CNOT4: variants seen among roughly 807,000 people sequenced by gnomAD.
The protein encoded by CNOT4 is CCR4-associated factor 4.
Under a neutral mutation model 73.8 loss-of-function variants are expected in CNOT4, and 8 were observed. The observed-to-expected ratio is 0.11, with a 90% confidence interval of 0.06 to 0.20. The LOEUF is 0.20. CNOT4 is among the 10% of genes least tolerant of loss of function. CNOT4 has a pLI of 1.00. For synonymous variants in CNOT4, 293 were observed against 321.1 expected (o/e 0.91, Z 0.94); for missense variants, 564 against 883.4 (o/e 0.64, Z 4.58).
chr7:135,504,097 T>C (rs1302385086), intron 1 of CNOT4, among the ~76,000 whole-genome samples: 1 of 152,192 alleles, frequency 6.6e-6, no homozygotes, highest in Non-Finnish European at 1.5e-5. Flanking sequence ...AATTAGCACT[T>C]CCACTCTATT....
chr7:135,474,932 A>C (rs1801899282), intron 1 of CNOT4, among the ~76,000 whole-genome samples: 1 of 152,176 alleles, frequency 6.6e-6, no homozygotes, highest in African/African-American at 2.4e-5. Flanking sequence ...GTTCATGTCT[A>C]GAAATTTTAC....
chr7:135,479,248 C>T (rs956485577), intron 1 of CNOT4, among the ~76,000 whole-genome samples: 24 of 114,168 alleles, frequency 2.1e-4, no homozygotes, highest in Non-Finnish European at 3.1e-4. Flanking sequence ...CTCGCTCTGT[C>T]ACCAGGCTGG....
At chr7:135,507,180 C>T (rs1361356469) in intron 1 of CNOT4, among the ~76,000 whole-genome samples, 1 of 152,136 alleles carries the variant, frequency 6.6e-6, no homozygotes, top group Non-Finnish European at 1.5e-5. Context: ...ATTACAAAAA[C>T]AATTTTATTT....
At chr7:135,407,154 G>A (rs1797337799) in intron 7 of CNOT4, among the ~76,000 whole-genome samples, 2 of 152,072 alleles carry the variant, frequency 1.3e-5, no homozygotes, top group Non-Finnish European at 2.9e-5. Flanking sequence ...TGTATATGAT[G>A]TGCCTGCCTC....
chr7:135,504,757 A>T (rs1405499427), intron 1 of CNOT4, among the ~76,000 whole-genome samples: 1 of 98,576 alleles, frequency 1.0e-5, no homozygotes, highest in African/African-American at 4.5e-5. Context: ...AAGTGCTGGG[A>T]TTACAGGCGT....
intron 8 of CNOT4, 54 bp from the exon 9 acceptor site, chr7:135,395,937 C>A: frequency 1.5e-6 from 2 of 1,298,112 alleles, no homozygotes; most frequent in Non-Finnish European, 1.1e-6. Flanking sequence ...TTTTAATAAG[C>A]CACAATTAAA....
chr7:135,452,065 T>C (rs376050191), intron 1 of CNOT4, among the ~76,000 whole-genome samples: 41 of 151,188 alleles, frequency 2.7e-4, no homozygotes, highest in Non-Finnish European at 4.3e-4. Context: ...CTGGGCAACA[T>C]AGCGAGACCC....
Position 135,363,424 on chromosome 7 carries a change from T to A in CNOT4, c.1841-238A>T, listed in dbSNP as rs1257169651. 6.6e-6 allele frequency among the ~76,000 whole-genome samples: 1 copy of A among 152,208 alleles called. No homozygotes were observed. Among genetic ancestry groups the A allele is most frequent in the East Asian group, 1.9e-4 (1 of 5,202 alleles). On this transcript the variant is annotated intron_variant, in intron 11 of 11. Coordinates refer to ENST00000541284, the MANE Select transcript of CNOT4 (RefSeq NM_001190850.2). This position sits in a 1 kb window ranked among gnomAD's most constrained non-coding sequence, Gnocchi z 4.3. The stretch of plus-strand genomic sequence containing the variant: ...TCCCCCACTGTCACAGAGGCAGAGC[T>A]GCAAAACACCATTCCCCAGAACTGC...
chr7:135,479,370 A>G (rs1802214197), intron 1 of CNOT4, among the ~76,000 whole-genome samples: 1 of 151,138 alleles, frequency 6.6e-6, no homozygotes, highest in Admixed American at 6.6e-5. Flanking sequence ...CACCATGCCC[A>G]GCTAATTTTT....
At chr7:135,444,041 G>T (rs7778701) in intron 1 of CNOT4, among the ~76,000 whole-genome samples, 25,181 of 151,832 alleles carry the variant, frequency 0.17, 2,517 homozygotes, top group Non-Finnish European at 0.22. Flanking sequence ...TCAGGAGGCC[G>T]AGGTAGGAGG....
At chr7:135,467,222 C>T (rs1801275767) in intron 1 of CNOT4, among the ~76,000 whole-genome samples, 1 of 152,136 alleles carries the variant, frequency 6.6e-6, no homozygotes, top group Admixed American at 6.5e-5. Context: ...AATAAATTTA[C>T]TAAGCACTCT....
At chr7:135,445,574 T>C (rs373076340) in intron 1 of CNOT4, among the ~76,000 whole-genome samples, 106 of 152,334 alleles carry the variant, frequency 7.0e-4, no homozygotes, top group African/African-American at 2.5e-3. Flanking sequence ...ATATTACCAA[T>C]TGTAAACTTA....
chr7:135,407,274 T>TAAA (rs1797344446), intron 7 of CNOT4, among the ~76,000 whole-genome samples: 1 of 152,234 alleles, frequency 6.6e-6, no homozygotes, highest in African/African-American at 2.4e-5. Flanking sequence ...CAAGTATTTC[T>TAAA]TTATAGCAAT....
At chr7:135,411,857 A>G (rs933112264) in intron 6 of CNOT4, among the ~76,000 whole-genome samples, 1 of 151,952 alleles carries the variant, frequency 6.6e-6, no homozygotes, top group Non-Finnish European at 1.5e-5. Context: ...GCTTGTTTCT[A>G]TTGGACCTAT....
intron 10 of CNOT4, among the ~76,000 whole-genome samples, chr7:135,391,527 C>T (rs1418258667): frequency 2.0e-5 from 3 of 151,524 alleles, no homozygotes; most frequent in Admixed American, 6.6e-5. Flanking sequence ...ACATTTTTAG[C>T]ATCTCTGAAA....
At chr7:135,429,912 T>C (rs1798715457) in intron 2 of CNOT4, among the ~76,000 whole-genome samples, 1 of 152,030 alleles carries the variant, frequency 6.6e-6, no homozygotes, top group Non-Finnish European at 1.5e-5. Flanking sequence ...GGACAGACAG[T>C]GATAAAAATT....
At chr7:135,377,103 A>G (rs1389799934) in intron 10 of CNOT4, among the ~76,000 whole-genome samples, 3 of 152,240 alleles carry the variant, frequency 2.0e-5, no homozygotes, top group Admixed American at 6.5e-5. Flanking sequence ...TGTTTTTAAA[A>G]TAAATGTCTG....
chr7:135,448,581 G>A (rs146786725), intron 1 of CNOT4, among the ~76,000 whole-genome samples: 1,619 of 150,814 alleles, frequency 0.011, 11 homozygotes, highest in Middle Eastern at 0.031. Flanking sequence ...AGGAAGGAAG[G>A]ACCCATATAC....
At chr7:135,453,848 T>TATATATATA (rs61345541) in intron 1 of CNOT4, among the ~76,000 whole-genome samples, 1,892 of 116,534 alleles carry the variant, frequency 0.016, 46 homozygotes, top group East Asian at 0.086. Flanking sequence ...ATATATATAT[T>TATATATATA]ATATATATAG....
Sources: allele counts gnomAD v4.1 joint callset (sites outside exome capture counted in the v4.1 genomes callset), GRCh38; gene constraint gnomAD v4.1.1; non-coding constraint Gnocchi (gnomAD v3.1); transcripts MANE v1.5; gene names NCBI Gene and HGNC (gene_info 2026-07-23, HGNC 2026-07-21).